The following DPP6 variants were observed in gnomAD, a reference collection of about 807,000 sequenced individuals.
DPP6 encodes the protein A-type potassium channel modulatory protein DPP6.
A neutral mutation model predicts 122.6 loss-of-function variants in DPP6; 69 were observed. That is an observed-to-expected ratio of 0.56 (90% CI 0.46 to 0.69). The LOEUF is 0.69. DPP6 is among the 30% of genes least tolerant of loss of function. DPP6 has a pLI of 0.00. For missense variants in DPP6, 928 were observed against 1,116.9 expected (o/e 0.83, Z 2.41); for synonymous variants, 418 against 433.1 (o/e 0.97, Z 0.43).
At chr7:154,252,236 G>GTGTGTGTGTGTGTGTGCA (rs56297249) in intron 1 of DPP6, among the ~76,000 whole-genome samples, 1 of 95,252 alleles carries the variant, frequency 1.0e-5, no homozygotes, top group African/African-American at 4.5e-5. Context: ...GTGTGTGTGT[G>GTGTGTGTGTGTGTGTGCA]CGCGCATGCG....
chr7:154,579,655 A>G (rs1340866673), intron 5 of DPP6, among the ~76,000 whole-genome samples: 1 of 152,218 alleles, frequency 6.6e-6, no homozygotes, highest in Non-Finnish European at 1.5e-5. Flanking sequence ...AATGCCAGCC[A>G]TGTCCTCTTC....
rs1162384443 is a variant in DPP6, at chr7:154,624,888, G to A, written c.628-12933G>A. ...CCATCTGTGAGCATGCTTCAGGGCTGAGCATATGACCAACATTTTACATTT... is the reference window on the plus strand; with the variant it reads ...CCATCTGTGAGCATGCTTCAGGGCTAAGCATATGACCAACATTTTACATTT... On this transcript the variant is annotated intron_variant, in intron 5 of 25. Coordinates refer to ENST00000377770, the MANE Select transcript of DPP6 (RefSeq NM_130797.4). The surrounding 1 kb of genome is among the most constrained non-coding windows in gnomAD (Gnocchi z 4.7). Among the ~76,000 whole-genome samples the A allele has an allele frequency of 6.6e-6, 1 of 152,200 alleles. No homozygotes were observed. The highest frequency in any genetic ancestry group is 1.5e-5 in the Non-Finnish European group (1 of 68,042).
chr7:154,316,297 G>A (rs1469408702), intron 1 of DPP6, among the ~76,000 whole-genome samples: 5 of 152,142 alleles, frequency 3.3e-5, no homozygotes, highest in Admixed American at 3.3e-4. Flanking sequence ...CCAGCCACCA[G>A]CCATGCATCA....
At chr7:154,327,321 T>C (rs1228542918) in intron 1 of DPP6, among the ~76,000 whole-genome samples, 1 of 152,192 alleles carries the variant, frequency 6.6e-6, no homozygotes, top group Admixed American at 6.5e-5. Context: ...AGTCCTGGTT[T>C]ATGGCAATTG....
chr7:154,687,853 A>T (rs1291744445), intron 7 of DPP6, among the ~76,000 whole-genome samples: 1 of 152,182 alleles, frequency 6.6e-6, no homozygotes, highest in Admixed American at 6.5e-5. Flanking sequence ...ATTTTTGGGA[A>T]GGGTGTGACG....
chr7:154,178,613 C>T (rs538063170), intron 1 of DPP6, among the ~76,000 whole-genome samples: 1 of 152,230 alleles, frequency 6.6e-6, no homozygotes, highest in Admixed American at 6.5e-5. Flanking sequence ...CACAGAGCCT[C>T]AGACATAGAC....
At chr7:153,898,535 C>G (rs1399100576) in intron 1 of DPP6, among the ~76,000 whole-genome samples, 6 of 152,102 alleles carry the variant, frequency 3.9e-5, no homozygotes, top group African/African-American at 1.2e-4. Context: ...GATGAATATC[C>G]TAAGTAAACA....
At chr7:154,782,326 T>C (rs1022468356) in intron 10 of DPP6, among the ~76,000 whole-genome samples, 16 of 152,244 alleles carry the variant, frequency 1.1e-4, no homozygotes, top group Non-Finnish European at 1.8e-4. Context: ...ATTATTAAAA[T>C]ATGACCATCT....
chr7:154,320,272 C>T (rs1022690073), intron 1 of DPP6, among the ~76,000 whole-genome samples: 4 of 152,102 alleles, frequency 2.6e-5, no homozygotes, highest in African/African-American at 9.7e-5. Context: ...TTCAGGCCGG[C>T]CCTGTGTCCA....
chr7:154,579,833 G>A (rs1831932065), intron 5 of DPP6, among the ~76,000 whole-genome samples: 1 of 152,166 alleles, frequency 6.6e-6, no homozygotes, highest in African/African-American at 2.4e-5. Flanking sequence ...ATTGATGGGA[G>A]AAGAGCCAGG....
chr7:153,876,682 C>G, the DPP6 span, among the ~76,000 whole-genome samples: 1 of 151,978 alleles, frequency 6.6e-6, no homozygotes, highest in Non-Finnish European at 1.5e-5. Flanking sequence ...TGACAGGATA[C>G]TTTATGAACC....
chr7:153,988,084 G>A (rs897843193), intron 1 of DPP6, among the ~76,000 whole-genome samples: 1 of 152,208 alleles, frequency 6.6e-6, no homozygotes, highest in Non-Finnish European at 1.5e-5. Context: ...TTTGTCCCTG[G>A]AGAATTCCAG....
At chr7:154,635,115 CA>C (rs1481067196) in intron 5 of DPP6, among the ~76,000 whole-genome samples, 61 of 152,140 alleles carry the variant, frequency 4.0e-4, no homozygotes, top group African/African-American at 1.3e-3. Flanking sequence ...GAACTCAGGT[CA>C]AATCCCACTT....
rs183014678 is a variant in DPP6 at position 154,647,041 on chromosome 7, G to T, written c.680+9168G>T. ...GAGTCCTCATTTGGTCAGGCTCCTT[G>T]TTCATCTTAAACTCTACACCCATGT... On this transcript the variant is annotated intron_variant, in intron 6 of 25. Transcript: ENST00000377770. 2.5e-4 allele frequency among the ~76,000 whole-genome samples: 38 copies of T among 152,328 alleles called. 1 individual carries two copies. The highest frequency in any genetic ancestry group is 2.2e-4 in the Non-Finnish European group (15 of 68,020).
Position 154,445,171 on chromosome 7 carries a change from C to T in DPP6, c.244-1043C>T, listed in dbSNP as rs573744093. On this transcript the variant is annotated intron_variant, in intron 1 of 25. Coordinates refer to ENST00000377770, the MANE Select transcript of DPP6 (RefSeq NM_130797.4). ...TATTGCATTGTCTACTTTTTAAGGC[C>T]GTCTTCATTCTACCTCATTTTGGCT... Among the ~76,000 whole-genome samples, 40 of 152,186 alleles carry T rather than the reference C, an allele frequency of 2.6e-4. 1 individual carries two copies. Among genetic ancestry groups the T allele is most frequent in the African/African-American group, 8.9e-4 (37 of 41,530 alleles).
At chr7:154,400,377 G>A (rs573536183) in intron 1 of DPP6, among the ~76,000 whole-genome samples, 1 of 152,326 alleles carries the variant, frequency 6.6e-6, no homozygotes, top group African/African-American at 2.4e-5. Flanking sequence ...TGACTTATGA[G>A]GGACAATGAA....
intron 1 of DPP6, among the ~76,000 whole-genome samples, chr7:154,224,696 G>A (rs1425256128): frequency 6.7e-6 from 1 of 149,390 alleles, no homozygotes; most frequent in East Asian, 1.9e-4. Flanking sequence ...CCAATGTATA[G>A]AGTTAGATTT....
At chr7:153,786,515 G>A in the DPP6 span, among the ~76,000 whole-genome samples, 15 of 151,464 alleles carry the variant, frequency 9.9e-5, no homozygotes, top group African/African-American at 2.2e-4. Context: ...CGAGGCGGGC[G>A]GATCACGAGG....
intron 3 of DPP6, among the ~76,000 whole-genome samples, chr7:154,476,570 G>T (rs529751096): frequency 6.6e-6 from 1 of 152,190 alleles, no homozygotes. Context: ...ACTCAGAGAG[G>T]AGGATCGGAA....
Sources: gnomAD v4.1 joint callset for allele counts (sites outside exome capture counted in the v4.1 genomes callset) on GRCh38, gnomAD v4.1.1 for gene constraint, Gnocchi (gnomAD v3.1) non-coding constraint, MANE v1.5 for transcripts, NCBI Gene and HGNC (gene_info 2026-07-23, HGNC 2026-07-21) for gene names.